The following EPG5 variants were observed in gnomAD, a reference collection of about 807,000 sequenced individuals.
The protein encoded by EPG5 is ectopic P-granules 5 autophagy tethering factor.
EPG5 carries 159 observed loss-of-function variants against 302.7 expected under a neutral mutation model. The observed-to-expected ratio is 0.53, with a 90% confidence interval of 0.46 to 0.60. The LOEUF (loss-of-function observed/expected upper bound fraction) is 0.60, where lower values mean the gene tolerates loss of function less well. EPG5 is among the 20% of genes least tolerant of loss of function. The pLI, the probability that EPG5 is intolerant of heterozygous loss-of-function variation, is 0.00. For synonymous variants in EPG5, 1,158 were observed against 1,136.8 expected, an observed-to-expected ratio of 1.02 and a Z score of -0.37; for missense variants, 2,896 against 3,092.4, an observed-to-expected ratio of 0.94 and a Z score of 1.51.
Position 45,930,683 on chromosome 18 carries a change from A to G in EPG5, c.2405T>C (p.Ile802Thr). The change falls in exon 12 of 44, where the codon ATA becomes ACA. Residue 802 changes from isoleucine (I) to threonine (T), a missense_variant. By Grantham distance (89) the Ile-to-Thr change is moderately conservative (BLOSUM62 -1). Transcript: ENST00000282041. ...AAAACTTCATATTCTAACCTCATAT[A>G]TCTCCAGAACAATAATTTTTATGAA... ...EDFIKIIVLEIYEVSYVTLST... is the reference protein window; with the variant it reads ...EDFIKIIVLETYEVSYVTLST... 6.3e-7 allele frequency: 1 copy of G among 1,581,062 alleles called. No individual in the cohort carries two copies. The highest frequency in any genetic ancestry group is 8.6e-7 in the Non-Finnish European group (1 of 1,168,788).
At chr18:45,803,918 G>T in the EPG5 span, among the ~76,000 whole-genome samples, 2 of 152,176 alleles carry the variant, frequency 1.3e-5, no homozygotes, top group Non-Finnish European at 2.9e-5. Context: ...CATATTGAGA[G>T]ACAGGAAGAT....
chr18:45,866,765 A>G, intron 38 of EPG5, 33 bp downstream of exon 38: 1 of 1,536,400 alleles, frequency 6.5e-7, no homozygotes, highest in Non-Finnish European at 9.0e-7. Flanking sequence ...CTCCAGGAAC[A>G]GTCTCTGCCT....
chr18:45,809,894 G>C, the EPG5 span, among the ~76,000 whole-genome samples: 1 of 151,546 alleles, frequency 6.6e-6, no homozygotes, highest in South Asian at 2.1e-4. Context: ...AAATGAAATT[G>C]AAACAAAAAA....
chr18:45,924,436 C>T (rs981332982), intron 14 of EPG5, among the ~76,000 whole-genome samples: 1 of 152,202 alleles, frequency 6.6e-6, no homozygotes, highest in Non-Finnish European at 1.5e-5. Context: ...CAGAAAAGCT[C>T]CCGGGCTTCA....
chr18:45,914,513 C>A (rs72918346), intron 20 of EPG5, among the ~76,000 whole-genome samples: 13,588 of 152,264 alleles, frequency 0.089, 647 homozygotes, highest in African/African-American at 0.13. Context: ...AATGCTGCTG[C>A]TGATGATAAT....
chr18:45,843,375 C>A (rs2048341393), downstream of EPG5: 2 of 152,226 alleles, frequency 1.3e-5, no homozygotes, highest in Non-Finnish European at 2.9e-5. Context: ...TGCCTGGGTC[C>A]CAGGTAAGCT....
intron 1 of EPG5, among the ~76,000 whole-genome samples, chr18:45,960,225 T>C (rs1261822567): frequency 2.0e-5 from 3 of 152,350 alleles, no homozygotes; most frequent in Admixed American, 6.5e-5. Flanking sequence ...ATCAATTCCA[T>C]GTGTATCAAG....
chr18:45,934,932 AGGGCATCTC>A lies in EPG5; in HGVS notation c.2125_2133del (p.Glu709_Pro711del). The A allele has an allele frequency of 6.2e-7, 1 of 1,613,546 alleles. No individual in the cohort carries two copies. Among genetic ancestry groups the A allele is most frequent in the Non-Finnish European group, 8.5e-7 (1 of 1,179,862 alleles). On this transcript the variant is annotated inframe_deletion, in exon 11 of 44. Coordinates refer to ENST00000282041, the MANE Select transcript of EPG5 (RefSeq NM_020964.3). Reference sequence around the variant, plus strand: ...AGCATTTGCACAGACAGAGTCCCAAAGGGCATCTCGGACATAAACAGCCAAATGCCAAGT... The same window carrying A: ...AGCATTTGCACAGACAGAGTCCCAAAGGACATAAACAGCCAAATGCCAAGT...
the EPG5 span, chr18:45,825,592 A>C: frequency 2.5e-6 from 2 of 814,748 alleles, no homozygotes; most frequent in African/African-American, 3.4e-5. Context: ...CGGCTCCCGC[A>C]GAGCCCACAG....
At chr18:45,889,674 T>G in intron 28 of EPG5, 124 bp downstream of exon 28, 1 of 770,330 alleles carries the variant, frequency 1.3e-6, no homozygotes, top group Non-Finnish European at 1.9e-6. Flanking sequence ...AGGCCGTAGT[T>G]TGCTGATGTC....
the EPG5 span, among the ~76,000 whole-genome samples, chr18:45,825,310 G>A: frequency 2.7e-5 from 4 of 150,148 alleles, no homozygotes; most frequent in Non-Finnish European, 5.9e-5. Flanking sequence ...GAGGAAGAGA[G>A]GAAGGAAGGA....
intron 10 of EPG5, among the ~76,000 whole-genome samples, chr18:45,936,553 C>T (rs1319713729): frequency 6.6e-6 from 1 of 151,702 alleles, no homozygotes; most frequent in African/African-American, 2.4e-5. Context: ...TATAGTGAAA[C>T]CCCATCTCTA....
At chr18:45,834,106 A>C in the EPG5 span, among the ~76,000 whole-genome samples, 2 of 152,142 alleles carry the variant, frequency 1.3e-5, no homozygotes, top group African/African-American at 4.8e-5. Context: ...TGCTACCTCA[A>C]GGCTTCGTGC....
At chr18:45,934,479 C>A (rs990172425) in intron 11 of EPG5, among the ~76,000 whole-genome samples, 2 of 152,130 alleles carry the variant, frequency 1.3e-5, no homozygotes, top group Non-Finnish European at 2.9e-5. Context: ...AAAGCCTTAA[C>A]AAATTTCTAG....
chr18:45,896,736 GAC>G (rs951821056), intron 27 of EPG5, among the ~76,000 whole-genome samples: 1 of 152,086 alleles, frequency 6.6e-6, no homozygotes, highest in African/African-American at 2.4e-5. Flanking sequence ...TTTTTGTAAA[GAC>G]AGAGTTTCTC....
chr18:45,804,453 A>G, the EPG5 span, among the ~76,000 whole-genome samples: 2 of 152,212 alleles, frequency 1.3e-5, no homozygotes, highest in African/African-American at 4.8e-5. Context: ...ATCAAGTTAA[A>G]TAAAAGAAAA....
intron 14 of EPG5, among the ~76,000 whole-genome samples, chr18:45,923,958 G>A (rs759163359): frequency 1.6e-4 from 25 of 151,666 alleles, no homozygotes; most frequent in Non-Finnish European, 3.1e-4. Context: ...AACCCAGGAG[G>A]CAGAGGTTGC....
chr18:45,833,687 C>A, the EPG5 span, among the ~76,000 whole-genome samples: 24 of 152,294 alleles, frequency 1.6e-4, no homozygotes, highest in African/African-American at 5.1e-4. Context: ...GCAAACCAAG[C>A]AAATTCTCAA....
At chr18:45,860,003 T>C in intron 40 of EPG5, 101 bp downstream of exon 40, 1 of 1,427,274 alleles carries the variant, frequency 7.0e-7, no homozygotes, top group South Asian at 1.3e-5. Context: ...GAATGGCAAA[T>C]CCCTCACTGG....
Sources: allele counts gnomAD v4.1 joint callset (sites outside exome capture counted in the v4.1 genomes callset), GRCh38; gene constraint gnomAD v4.1.1; transcripts MANE v1.5; gene names NCBI Gene and HGNC (gene_info 2026-07-23, HGNC 2026-07-21).